SCN7A: variants seen among roughly 807,000 people sequenced by gnomAD.
SCN7A encodes the protein sodium channel protein type 7 subunit alpha.
Under a neutral mutation model 155.2 loss-of-function variants are expected in SCN7A, and 138 were observed. That is an observed-to-expected ratio of 0.89 (90% CI 0.77 to 1.02). SCN7A has a LOEUF of 1.02. Among genes scored for constraint, SCN7A ranks in the 50% least tolerant of loss-of-function variants. The probability of loss-of-function intolerance (pLI) is 0.00; values close to 1 mark genes in which losing one functional copy is unlikely to be tolerated. For synonymous variants in SCN7A, 693 were observed against 649.0 expected (o/e 1.07, Z -1.03); for missense variants, 2,058 against 1,986.6 (o/e 1.04, Z -0.68).
At chr2:166,473,935 GAT>G in intron 4 of SCN7A, 47 bp from the exon 5 acceptor site, 5 of 1,020,536 alleles carry the variant, frequency 4.9e-6, no homozygotes, top group African/African-American at 3.3e-5. Context: ...TATTGGAAAA[GAT>G]ATATTTCTAT....
rs1197179909 is a variant in SCN7A at position 166,477,447 on chromosome 2, C to A, written c.234+16G>T. ...ATAATAAAAATGTCATCAAAATAAT[C>A]TCAATTAATACTCACATTTTTTTTC... On this transcript the variant is annotated intron_variant, in intron 3 of 25. Transcript: ENST00000643258. 3 of 1,340,936 alleles carry A rather than the reference C, an allele frequency of 2.2e-6. No homozygotes were observed. Among genetic ancestry groups the A allele is most frequent in the Non-Finnish European group, 2.0e-6 (2 of 1,000,532 alleles). The allele number at this position is 1,340,936 out of a possible 1,614,324, so 83.1% of individuals were successfully genotyped here. A position where few individuals can be genotyped will look rare whatever the true frequency, so the allele number is the denominator to read the frequency against.
intron 11 of SCN7A, among the ~76,000 whole-genome samples, chr2:166,455,954 G>A (rs946517330): frequency 3.9e-5 from 6 of 151,986 alleles, no homozygotes; most frequent in Non-Finnish European, 7.4e-5. Flanking sequence ...TGCCAGTATC[G>A]TTAGACTACA....
chr2:166,415,045 G>GAT (rs1466362055), intron 21 of SCN7A, among the ~76,000 whole-genome samples: 1 of 137,466 alleles, frequency 7.3e-6, no homozygotes, highest in African/African-American at 2.7e-5. Context: ...TATATAATAG[G>GAT]ATATATATAT....
chr2:166,460,414 A>G (rs924716626), intron 10 of SCN7A, among the ~76,000 whole-genome samples: 20 of 152,158 alleles, frequency 1.3e-4, no homozygotes, highest in African/African-American at 4.8e-4. Flanking sequence ...AAAAATTAAA[A>G]TAAGACAAAA....
At chr2:166,413,745 A>G (rs141127950) in intron 21 of SCN7A, among the ~76,000 whole-genome samples, 2,468 of 151,400 alleles carry the variant, frequency 0.016, 26 homozygotes, top group South Asian at 0.035. Flanking sequence ...CAGCAAATAT[A>G]AAGCAGGCAG....
chr2:166,414,620 C>T (rs1245099993), intron 21 of SCN7A: 2 of 143,626 alleles, frequency 1.4e-5, no homozygotes, highest in Non-Finnish European at 3.0e-5. Flanking sequence ...ATGGTCTGGG[C>T]TATAATATCA....
intron 19 of SCN7A, among the ~76,000 whole-genome samples, chr2:166,421,885 G>C (rs1436071651): frequency 6.6e-6 from 1 of 151,994 alleles, no homozygotes; most frequent in Non-Finnish European, 1.5e-5. Context: ...TAAATACTAA[G>C]GTGGTAAAGC....
At chr2:166,414,253 TAGATATATATAC>T (rs1701297034) in intron 21 of SCN7A, among the ~76,000 whole-genome samples, 1 of 84,666 alleles carries the variant, frequency 1.2e-5, no homozygotes. Flanking sequence ...TAAATATATA[TAGATATATATAC>T]ACACACATAT....
At chr2:166,467,480 T>C (rs1236726563) in intron 7 of SCN7A, among the ~76,000 whole-genome samples, 1 of 121,378 alleles carries the variant, frequency 8.2e-6, no homozygotes, top group Non-Finnish European at 1.7e-5. Context: ...TGTTTTTATA[T>C]ATGTTTATAT....
intron 25 of SCN7A, among the ~76,000 whole-genome samples, chr2:166,407,154 A>T (rs1450287224): frequency 6.6e-6 from 1 of 152,026 alleles, no homozygotes; most frequent in African/African-American, 2.4e-5. Flanking sequence ...AATTACAGAA[A>T]TGTCTGGCAT....
intron 3 of SCN7A, among the ~76,000 whole-genome samples, chr2:166,475,121 C>CGTATATATATATATATATATATATACGT (rs1553520555): frequency 2.0e-5 from 2 of 102,212 alleles, no homozygotes; most frequent in African/African-American, 8.1e-5. Flanking sequence ...TATATATATA[C>CGTATATATATATATATATATATATACGT]ATATATATAT....
Position 166,405,628 on chromosome 2 carries a change from G to C in SCN7A, c.5001C>G (p.Ala1667=), listed in dbSNP as rs375146552. ...ACTTTTCCTTAGCTTTGTCAAAATAGGCACCTTCTTTAGTAGCATGAACAT... is the reference window on the plus strand; with the variant it reads ...ACTTTTCCTTAGCTTTGTCAAAATACGCACCTTCTTTAGTAGCATGAACAT... ...DRDVHATKEG[A]YFDKAKEKSP... is the part of the protein sequence containing the mutation. Residue 1667 remains alanine (A), a synonymous_variant, in exon 26 of 26, where the codon GCC becomes GCG. Coordinates refer to ENST00000643258, the MANE Select transcript of SCN7A (RefSeq NM_002976.4). The C allele has an allele frequency of 1.4e-5, 23 of 1,607,242 alleles. No individual in the cohort carries two copies. The East Asian group carries it at 3.8e-4, about 27-fold the overall frequency.
rs1308842634 is a variant in SCN7A, at chr2:166,432,518, A to G, written c.2392T>C (p.Leu798=). Residue 798 remains leucine (L), a synonymous_variant, in exon 16 of 26, where the codon TTG becomes CTG. Transcript: ENST00000643258. Reference sequence around the variant, plus strand: ...TTGAGAAAATCTTGGGTGTTGCTCAATTCAGAAAGGGTATGGTCAGAAATA... The same window carrying G: ...TTGAGAAAATCTTGGGTGTTGCTCAGTTCAGAAAGGGTATGGTCAGAAATA... ...EDISDHTLSE[L]SNTQDFLKDK... is the part of the protein sequence containing the mutation. 1.2e-6 allele frequency: 2 copies of G among 1,613,634 alleles called. No individual in the cohort carries two copies. The highest frequency in any genetic ancestry group is 2.2e-5 in the East Asian group (1 of 44,856).
In SCN7A at chr2:166,485,237, C is replaced by CA. The variant is rs540449872; in HGVS notation, c.-15+1618dup. 2.2e-3 allele frequency among the ~76,000 whole-genome samples: 328 copies of CA among 152,208 alleles called. 1 individual carries two copies. The highest frequency in any genetic ancestry group is 3.6e-3 in the Non-Finnish European group (243 of 67,998). ...TCAAAATGATTAGTTTCAAGAGGAA[C>CA]AGAGATTGGAATTAAAATCATCTCA... On this transcript the variant is annotated intron_variant, in intron 2 of 25. Coordinates refer to ENST00000643258, the MANE Select transcript of SCN7A (RefSeq NM_002976.4).
rs1701249598 is a variant in SCN7A at position 166,413,587 on chromosome 2, G to C, written c.3415-466C>G. Among the ~76,000 whole-genome samples, 8 of 152,052 alleles carry C rather than the reference G, an allele frequency of 5.3e-5. No individual in the cohort carries two copies. The South Asian group carries it at 1.7e-3, about 32-fold the overall frequency. On this transcript the variant is annotated intron_variant, in intron 21 of 25. Transcript: ENST00000643258. Reference sequence around the variant, plus strand: ...ATTATTACCTGTAGTGGTTAATACTGAGTGTCAATTTGATTGGATTGAAGG... The same window carrying C: ...ATTATTACCTGTAGTGGTTAATACTCAGTGTCAATTTGATTGGATTGAAGG...
intron 11 of SCN7A, 108 bp downstream of exon 11, chr2:166,456,762 T>C (rs774292291): frequency 4.4e-4 from 232 of 530,876 alleles, no homozygotes; most frequent in Admixed American, 4.9e-4. Flanking sequence ...GCCTAAGCCA[T>C]AGAATCATGA....
At chr2:166,469,184 A>T (rs1702600237) in intron 7 of SCN7A, among the ~76,000 whole-genome samples, 1 of 151,236 alleles carries the variant, frequency 6.6e-6, no homozygotes, top group South Asian at 2.1e-4. Context: ...TCCTTCATTA[A>T]TCCATTCCAT....
intron 2 of SCN7A, among the ~76,000 whole-genome samples, chr2:166,481,330 G>C (rs1324041772): frequency 6.6e-6 from 1 of 152,130 alleles, no homozygotes; most frequent in Non-Finnish European, 1.5e-5. Flanking sequence ...ACCTAGTACA[G>C]TGATTGGCAC....
chr2:166,477,484 T>C lies in SCN7A; in HGVS notation c.213A>G (p.Pro71=). The C allele has an allele frequency of 6.5e-7, 1 of 1,532,280 alleles. No individual in the cohort carries two copies. Among genetic ancestry groups the C allele is most frequent in the Non-Finnish European group, 8.8e-7 (1 of 1,139,012 alleles). 94.9% of individuals were successfully genotyped at this position (1,532,280 alleles called of 1,614,324 possible). ...MVSEPLEDVD[P]YYYKKKNTFI... is the part of the protein sequence containing the mutation. The stretch of plus-strand genomic sequence containing the variant: ...TCACATTTTTTTTCTTGTAGTAATA[T>C]GGGTCCACATCTTCCAAGGGCTCTG... Residue 71 remains proline (P), a synonymous_variant, in exon 3 of 26, where the codon CCA becomes CCG. Transcript: ENST00000643258.
Sources: gnomAD v4.1 joint callset for allele counts (sites outside exome capture counted in the v4.1 genomes callset) on GRCh38, gnomAD v4.1.1 for gene constraint, MANE v1.5 for transcripts, NCBI Gene and HGNC (gene_info 2026-07-23, HGNC 2026-07-21) for gene names.